The following CMTM8 variants were observed in gnomAD, a reference collection of about 807,000 sequenced individuals.
The protein encoded by CMTM8 is CKLF-like MARVEL transmembrane domain-containing protein 8.
A neutral mutation model predicts 18.6 loss-of-function variants in CMTM8; 12 were observed. The observed-to-expected ratio is 0.65, with a 90% CI of 0.41 to 1.05. CMTM8 has a LOEUF of 1.05. Ranked by LOEUF, CMTM8 falls within the 50% of genes least tolerant of loss-of-function variation. The pLI, the probability that CMTM8 is intolerant of heterozygous loss-of-function variation, is 0.00. For missense variants in CMTM8, 217 were observed against 227.2 expected (o/e 0.95, Z 0.29); for synonymous variants, 87 against 90.6 (o/e 0.96, Z 0.23).
intron 1 of CMTM8, among the ~76,000 whole-genome samples, chr3:32,308,158 G>T (rs9847942): frequency 6.6e-6 from 1 of 152,034 alleles, no homozygotes; most frequent in Admixed American, 6.5e-5. Context: ...CACCTCCTTC[G>T]CACTCTACCG....
chr3:32,312,149 G>A (rs763896472), intron 1 of CMTM8, among the ~76,000 whole-genome samples: 16 of 152,114 alleles, frequency 1.1e-4, no homozygotes, highest in African/African-American at 2.4e-4. Context: ...TATTTGTGGC[G>A]TCAGTCTAGA....
intron 1 of CMTM8, among the ~76,000 whole-genome samples, chr3:32,287,827 A>G (rs1702710604): frequency 6.6e-6 from 1 of 152,196 alleles, no homozygotes; most frequent in Non-Finnish European, 1.5e-5. Context: ...TGAAGGAGAT[A>G]GGAAAATTAT....
intron 1 of CMTM8, among the ~76,000 whole-genome samples, chr3:32,263,739 G>A (rs962870922): frequency 6.6e-6 from 1 of 152,130 alleles, no homozygotes; most frequent in Non-Finnish European, 1.5e-5. Context: ...AATAACCAAT[G>A]CAGAGAAGTC....
At chr3:32,267,015 GCCATACTGC>G (rs1342097794) in intron 1 of CMTM8, among the ~76,000 whole-genome samples, 1 of 152,092 alleles carries the variant, frequency 6.6e-6, no homozygotes, top group African/African-American at 2.4e-5. Flanking sequence ...CGTGAAAATG[GCCATACTGC>G]CCAAGGTAAT....
Position 32,300,771 on chromosome 3 carries a change from C to T in CMTM8, c.148-56602C>T, listed in dbSNP as rs1304099112. Among the ~76,000 whole-genome samples, 8 of 151,948 alleles carry T rather than the reference C, an allele frequency of 5.3e-5. No individual in the cohort carries two copies. In the South Asian group the frequency reaches 1.2e-3, roughly 24 times the overall value. ...GTCGGGAGTTCAAGACCAGCCTGAC[C>T]AACATGGAGAAACCCCATCTCTACT... is the stretch of plus-strand genomic sequence containing the variant. On this transcript the variant is annotated intron_variant, in intron 1 of 3. Coordinates refer to ENST00000307526, the MANE Select transcript of CMTM8 (RefSeq NM_178868.5).
At chr3:32,350,445 C>A (rs571639023) in intron 1 of CMTM8, among the ~76,000 whole-genome samples, 5 of 151,898 alleles carry the variant, frequency 3.3e-5, no homozygotes, top group South Asian at 2.1e-4. Flanking sequence ...GCAACCTCCG[C>A]CTGCCAGGTT....
At chr3:32,339,555 C>A (rs1465718341) in intron 1 of CMTM8, among the ~76,000 whole-genome samples, 1 of 152,192 alleles carries the variant, frequency 6.6e-6, no homozygotes, top group Non-Finnish European at 1.5e-5. Flanking sequence ...ATCTTTCTAG[C>A]CCAGAGGCCA....
At chr3:32,335,627 G>T (rs77796654) in intron 1 of CMTM8, among the ~76,000 whole-genome samples, 13 of 152,292 alleles carry the variant, frequency 8.5e-5, no homozygotes, top group African/African-American at 1.4e-4. Flanking sequence ...GGGGGCAAAG[G>T]CTAATTAGGT....
chr3:32,256,378 T>A (rs1347991830), intron 1 of CMTM8, among the ~76,000 whole-genome samples: 1 of 151,874 alleles, frequency 6.6e-6, no homozygotes, highest in Admixed American at 6.6e-5. Context: ...CTGCATTCAG[T>A]GTTGTTAATA....
intron 1 of CMTM8, among the ~76,000 whole-genome samples, chr3:32,331,878 G>T (rs1195914679): frequency 6.6e-6 from 1 of 152,162 alleles, no homozygotes; most frequent in African/African-American, 2.4e-5. Context: ...AAGGGATAAA[G>T]AGAGGGTGCA....
At chr3:32,325,662 T>G (rs140820126) in intron 1 of CMTM8, among the ~76,000 whole-genome samples, 42 of 152,362 alleles carry the variant, frequency 2.8e-4, no homozygotes, top group African/African-American at 5.0e-4. Context: ...TTTTGTGAGC[T>G]GTCTCCTCCC....
intron 2 of CMTM8, among the ~76,000 whole-genome samples, chr3:32,367,343 A>G (rs1486711227): frequency 6.6e-6 from 1 of 152,264 alleles, no homozygotes; most frequent in Non-Finnish European, 1.5e-5. Flanking sequence ...AAAGGGCTGT[A>G]ACCGCCTTTT....
Position 32,358,800 on chromosome 3 carries a change from G to A in CMTM8, c.321+1254G>A, listed in dbSNP as rs996558493. On this transcript the variant is annotated intron_variant, in intron 2 of 3. Coordinates refer to ENST00000307526, the MANE Select transcript of CMTM8 (RefSeq NM_178868.5). This position sits in a 1 kb window ranked among gnomAD's most constrained non-coding sequence, Gnocchi z 4.1. ...AGGTGCTTAATCACTGTCTAGGGTG[G>A]TGGAAACAGCCTTGTTAGAATTGGT... 6.6e-6 allele frequency among the ~76,000 whole-genome samples: 1 copy of A among 152,208 alleles called. No individual in the cohort carries two copies. Among genetic ancestry groups the A allele is most frequent in the African/African-American group, 2.4e-5 (1 of 41,456 alleles).
chr3:32,349,792 G>T (rs1696669368), intron 1 of CMTM8, among the ~76,000 whole-genome samples: 1 of 152,114 alleles, frequency 6.6e-6, no homozygotes, highest in African/African-American at 2.4e-5. Context: ...CAGATCACTG[G>T]AGGTCAGGAG....
intron 1 of CMTM8, among the ~76,000 whole-genome samples, chr3:32,289,673 A>T (rs1359960575): frequency 1.3e-5 from 2 of 152,236 alleles, no homozygotes; most frequent in African/African-American, 4.8e-5. Flanking sequence ...AAAATGTGGG[A>T]CCAGCCACCC....
At position 32,308,764 on chromosome 3, in the gene CMTM8, GA is replaced by G. The variant is rs1364894355; in HGVS notation, c.148-48608del. 6.6e-5 allele frequency among the ~76,000 whole-genome samples: 10 copies of G among 152,302 alleles called. No individual in the cohort carries two copies. The South Asian group carries it at 2.1e-3, about 32-fold the overall frequency. ...TTTAATATGAGTTAATAGACACAATGACGCTTAGTGAACTTTAATATATATT... is the reference window on the plus strand; with the variant it reads ...TTTAATATGAGTTAATAGACACAATGCGCTTAGTGAACTTTAATATATATT... On this transcript the variant is annotated intron_variant, in intron 1 of 3. Coordinates refer to ENST00000307526, the MANE Select transcript of CMTM8 (RefSeq NM_178868.5).
chr3:32,329,528 A>G (rs1052219486), intron 1 of CMTM8, among the ~76,000 whole-genome samples: 3 of 152,252 alleles, frequency 2.0e-5, no homozygotes, highest in Non-Finnish European at 4.4e-5. Context: ...CCACATGATC[A>G]TCTCAATTGA....
chr3:32,285,892 A>G (rs1473007239), intron 1 of CMTM8, among the ~76,000 whole-genome samples: 9 of 152,206 alleles, frequency 5.9e-5, no homozygotes, highest in African/African-American at 2.2e-4. Flanking sequence ...CTCCTAGCAC[A>G]GTGTGTGGCA....
At chr3:32,299,070 G>A (rs1405807753) in intron 1 of CMTM8, among the ~76,000 whole-genome samples, 7 of 150,966 alleles carry the variant, frequency 4.6e-5, no homozygotes, top group Admixed American at 6.6e-5. Context: ...TTATAGACAC[G>A]AAACACTGTG....
Sources: gnomAD v4.1 joint callset for allele counts (sites outside exome capture counted in the v4.1 genomes callset) on GRCh38, gnomAD v4.1.1 for gene constraint, Gnocchi (gnomAD v3.1) non-coding constraint, MANE v1.5 for transcripts, NCBI Gene and HGNC (gene_info 2026-07-23, HGNC 2026-07-21) for gene names.